Variants in ARB2A observed in about 807,000 individuals in gnomAD.
The protein encoded by ARB2A is cotranscriptional regulator ARB2A.
chr5:93,945,904 T>C, the ARB2A span, among the ~76,000 whole-genome samples: 5 of 152,134 alleles, frequency 3.3e-5, no homozygotes, highest in Admixed American at 2.6e-4. Context: ...GAAGCTTACA[T>C]AGAGTGGAAC....
chr5:93,959,984 G>A, the ARB2A span, among the ~76,000 whole-genome samples: 3 of 151,224 alleles, frequency 2.0e-5, no homozygotes, highest in Non-Finnish European at 4.4e-5. Context: ...CATAAAGAAG[G>A]TCAATCCACA....
chr5:93,972,593 A>T, the ARB2A span, among the ~76,000 whole-genome samples: 3 of 152,206 alleles, frequency 2.0e-5, no homozygotes, highest in African/African-American at 7.2e-5. Context: ...TTCCCCAGCA[A>T]TGGATCCTAA....
At chr5:93,774,803 A>G in the ARB2A span, among the ~76,000 whole-genome samples, 1 of 152,168 alleles carries the variant, frequency 6.6e-6, no homozygotes, top group African/African-American at 2.4e-5. Flanking sequence ...AATATATATT[A>G]AATAAGGTGT....
At chr5:93,842,207 T>C in the ARB2A span, among the ~76,000 whole-genome samples, 1 of 152,172 alleles carries the variant, frequency 6.6e-6, no homozygotes. Flanking sequence ...TTGGGGGTGA[T>C]GAAAGTAACG....
chr5:94,020,412 CT>C, the ARB2A span, among the ~76,000 whole-genome samples: 1 of 152,016 alleles, frequency 6.6e-6, no homozygotes, highest in Non-Finnish European at 1.5e-5. Flanking sequence ...TATGCCAGAA[CT>C]TAAAGTATAA....
the ARB2A span, among the ~76,000 whole-genome samples, chr5:93,775,968 T>C: frequency 6.6e-6 from 1 of 152,360 alleles, no homozygotes; most frequent in East Asian, 1.9e-4. Flanking sequence ...ACTGAGTTTG[T>C]TGGTAAGCAT....
At chr5:94,088,076 C>T in the ARB2A span, among the ~76,000 whole-genome samples, 3 of 152,196 alleles carry the variant, frequency 2.0e-5, no homozygotes, top group Non-Finnish European at 4.4e-5. Flanking sequence ...ATAATGCTGA[C>T]AGTGCCGTTC....
At chr5:94,000,377 T>G in the ARB2A span, among the ~76,000 whole-genome samples, 2 of 152,106 alleles carry the variant, frequency 1.3e-5, no homozygotes, top group Non-Finnish European at 2.9e-5. Flanking sequence ...TAGTGGTATC[T>G]CATTGTTGTT....
the ARB2A span, among the ~76,000 whole-genome samples, chr5:93,909,249 G>A: frequency 6.6e-6 from 1 of 151,004 alleles, no homozygotes; most frequent in African/African-American, 2.4e-5. Flanking sequence ...CACTTCAGTG[G>A]AGAATAACAG....
the ARB2A span, among the ~76,000 whole-genome samples, chr5:93,649,925 C>G: frequency 6.6e-6 from 1 of 151,998 alleles, no homozygotes; most frequent in Non-Finnish European, 1.5e-5. Flanking sequence ...ACTAGATGCC[C>G]ACTAGAACAA....
chr5:93,901,272 A>C, the ARB2A span, among the ~76,000 whole-genome samples: 1 of 152,232 alleles, frequency 6.6e-6, no homozygotes, highest in Admixed American at 6.5e-5. Flanking sequence ...GAAACCTGAG[A>C]TAATGGCAAG....
the ARB2A span, among the ~76,000 whole-genome samples, chr5:93,903,092 T>C: frequency 1.3e-5 from 2 of 152,246 alleles, no homozygotes; most frequent in Admixed American, 6.6e-5. Context: ...GTCAGCGTTA[T>C]GTCCAAAGCA....
At chr5:94,026,937 T>G in the ARB2A span, among the ~76,000 whole-genome samples, 2 of 152,188 alleles carry the variant, frequency 1.3e-5, no homozygotes, top group Non-Finnish European at 2.9e-5. Flanking sequence ...TTCCTGAAGA[T>G]CTATCTACTG....
chr5:93,635,204 C>T, the ARB2A span, among the ~76,000 whole-genome samples: 1 of 152,202 alleles, frequency 6.6e-6, no homozygotes, highest in Non-Finnish European at 1.5e-5. Flanking sequence ...ATTCTCAACA[C>T]ATTCAGCAAG....
the ARB2A span, among the ~76,000 whole-genome samples, chr5:94,057,709 CAAG>C: frequency 6.6e-6 from 1 of 152,120 alleles, no homozygotes; most frequent in African/African-American, 2.4e-5. Context: ...AACTGGAAAG[CAAG>C]AAGACACATG....
At chr5:94,096,142 A>T in the ARB2A span, among the ~76,000 whole-genome samples, 1 of 152,260 alleles carries the variant, frequency 6.6e-6, no homozygotes, top group South Asian at 2.1e-4. Context: ...TCATTTCCAT[A>T]GTACAGGCAA....
chr5:93,875,799 G>GC, the ARB2A span, among the ~76,000 whole-genome samples: 1 of 147,170 alleles, frequency 6.8e-6, no homozygotes, highest in South Asian at 2.1e-4. Flanking sequence ...AGATCTGGGG[G>GC]CAAAAAAAAA....
chr5:94,051,896 A>T, the ARB2A span, among the ~76,000 whole-genome samples: 1 of 152,162 alleles, frequency 6.6e-6, no homozygotes, highest in East Asian at 1.9e-4. Flanking sequence ...ATCTCAGCTC[A>T]CTGCAACCTC....
At chr5:93,904,969 A>C in the ARB2A span, among the ~76,000 whole-genome samples, 2 of 151,750 alleles carry the variant, frequency 1.3e-5, no homozygotes, top group Non-Finnish European at 3.0e-5. Flanking sequence ...AAGATAATAA[A>C]GACTACAGAG....
Sources: allele counts gnomAD v4.1 joint callset (sites outside exome capture counted in the v4.1 genomes callset), GRCh38; gene constraint gnomAD v4.1.1; transcripts MANE v1.5; gene names NCBI Gene and HGNC (gene_info 2026-07-23, HGNC 2026-07-21).